The following ITGAD variants were observed in gnomAD, a reference collection of about 807,000 sequenced individuals.
ITGAD encodes the protein integrin alpha-D.
A neutral mutation model predicts 139.0 loss-of-function variants in ITGAD; 105 were observed. The observed-to-expected ratio is 0.76, with a 90% CI of 0.65 to 0.89. The LOEUF (loss-of-function observed/expected upper bound fraction) is 0.89. ITGAD is among the 40% of genes least tolerant of loss of function. The probability of loss-of-function intolerance (pLI) is 0.00; values close to 1 mark genes in which losing one functional copy is unlikely to be tolerated. For missense variants in ITGAD, 1,384 were observed against 1,487.3 expected (o/e 0.93, Z 1.14); for synonymous variants, 569 against 598.3 (o/e 0.95, Z 0.71).
At chr16:31,414,131 T>G (rs1027743082) in intron 16 of ITGAD, among the ~76,000 whole-genome samples, 1 of 152,188 alleles carries the variant, frequency 6.6e-6, no homozygotes, top group African/African-American at 2.4e-5. Flanking sequence ...TCACCTATTA[T>G]CTATCATCTA....
chr16:31,400,671 C>T (rs2081381370), intron 5 of ITGAD, among the ~76,000 whole-genome samples: 2 of 152,160 alleles, frequency 1.3e-5, no homozygotes, highest in Admixed American at 6.5e-5. Flanking sequence ...GTGGCACAAT[C>T]TTGGCTCACT....
At position 31,423,180 on chromosome 16, in the gene ITGAD, G is replaced by A. The variant is rs1449192550; in HGVS notation, c.2847G>A (p.Glu949=). Residue 949 remains glutamate (E), a synonymous_variant, in exon 24 of 30, where the codon GAG becomes GAA. Coordinates refer to ENST00000389202, the MANE Select transcript of ITGAD (RefSeq NM_005353.3). ...TSDEKKMKEA[E]HRYRVNNLSQ... ...ATGAGAAGAAAATGAAAGAGGCTGA[G>A]CATCGATACCGTGTGAGAGTCTAGG... 1 of 1,613,800 alleles carries A rather than the reference G, an allele frequency of 6.2e-7. No homozygotes were observed. Among genetic ancestry groups the A allele is most frequent in the African/African-American group, 1.3e-5 (1 of 74,916 alleles).
At chr16:31,418,239 T>C (rs1280563868) in intron 21 of ITGAD, 48 bp downstream of exon 21, 1 of 1,605,486 alleles carries the variant, frequency 6.2e-7, no homozygotes, top group Non-Finnish European at 8.5e-7. Flanking sequence ...CTTGTCCCAA[T>C]CTGTCCCTCA....
chr16:31,423,778 C>G, intron 26 of ITGAD, 67 bp from the exon 27 acceptor site: 1 of 1,576,010 alleles, frequency 6.3e-7, no homozygotes, highest in Non-Finnish European at 8.7e-7. Context: ...CAAACCTGAC[C>G]ATATTTTTTC....
In ITGAD at chr16:31,402,371, C is replaced by G. The variant is rs1483400162; in HGVS notation, c.558+126C>G. 5.7e-6 allele frequency: 5 copies of G among 875,776 alleles called. No individual in the cohort carries two copies. In the East Asian group the frequency reaches 1.3e-4, roughly 23 times the overall value. 54.3% of individuals were successfully genotyped at this position (875,776 alleles called of 1,614,324 possible). On this transcript the variant is annotated intron_variant, in intron 6 of 29. Transcript: ENST00000389202. ...GATGGGGCTGGGGTGGAGAATGAAG[C>G]TATGGTCCCAGCACAGGCCCAACTT...
In ITGAD at chr16:31,410,776, C is replaced by G. The variant is rs759237625; in HGVS notation, c.1254C>G (p.Asn418Lys). The G allele has an allele frequency of 7.4e-6, 12 of 1,613,468 alleles. No individual in the cohort carries two copies. Among genetic ancestry groups the G allele is most frequent in the African/African-American group, 2.7e-5 (2 of 74,870 alleles). The change falls in exon 12 of 30, where the codon AAC becomes AAG. Residue 418 changes from asparagine to lysine, a missense_variant. By Grantham distance (94) the Asn-to-Lys change is moderately conservative. Coordinates refer to ENST00000389202, the MANE Select transcript of ITGAD (RefSeq NM_005353.3). ...TELALWKGVQ[N>K]LVLGAPRYQH... is the part of the protein sequence containing the mutation. ...TAGCCCTGTGGAAGGGGGTACAGAA[C>G]CTGGTCCTGGGGGCCCCCCGCTACC... is the stretch of plus-strand genomic sequence containing the variant.
chr16:31,416,939 G>A (rs1047381718), intron 20 of ITGAD, among the ~76,000 whole-genome samples: 2 of 150,564 alleles, frequency 1.3e-5, no homozygotes, highest in African/African-American at 2.5e-5. Context: ...GTCCCCAAAG[G>A]TCATCACTAT....
rs1037573703 is a variant in ITGAD at position 31,424,223 on chromosome 16, C to T, written c.3261+20C>T. On this transcript the variant is annotated intron_variant, in intron 28 of 29. Coordinates refer to ENST00000389202, the MANE Select transcript of ITGAD (RefSeq NM_005353.3). ...GCTCAGGTAGAGACCATGTGGAGGG[C>T]AGCGACCAGCTGGAAAGAGGACCCC... is the stretch of plus-strand genomic sequence containing the variant. The T allele has an allele frequency of 1.2e-6, 2 of 1,613,464 alleles. No homozygotes were observed. Among genetic ancestry groups the T allele is most frequent in the Non-Finnish European group, 1.7e-6 (2 of 1,179,390 alleles).
At chr16:31,415,267 ATTG>A (rs1171072230) in intron 18 of ITGAD, among the ~76,000 whole-genome samples, 22 of 151,926 alleles carry the variant, frequency 1.4e-4, no homozygotes, top group Non-Finnish European at 1.5e-5. Flanking sequence ...TCCCATATCT[ATTG>A]TTGTATCCTC....
chr16:31,408,607 C>T (rs959547764), intron 10 of ITGAD, 109 bp downstream of exon 10: 24 of 951,594 alleles, frequency 2.5e-5, no homozygotes, highest in African/African-American at 4.9e-5. Context: ...CATCCTCAAT[C>T]GCCAGGGAGA....
chr16:31,400,715 C>T (rs893340538), intron 5 of ITGAD, among the ~76,000 whole-genome samples: 8 of 152,248 alleles, frequency 5.3e-5, no homozygotes, highest in Middle Eastern at 6.8e-3. Context: ...AGTGATTCTC[C>T]TGCCTCAGCC....
At position 31,403,779 on chromosome 16, in the gene ITGAD, G is replaced by A. The variant is rs2081469005; in HGVS notation, c.704+134G>A. ...TACCAAGGGGCATGTCGGGGCTGCAGGGAGAACCTCCCCCCGGGGTGCTCC... is the reference window on the plus strand; with the variant it reads ...TACCAAGGGGCATGTCGGGGCTGCAAGGAGAACCTCCCCCCGGGGTGCTCC... On this transcript the variant is annotated intron_variant, in intron 7 of 29. Coordinates refer to ENST00000389202, the MANE Select transcript of ITGAD (RefSeq NM_005353.3). This position sits in a 1 kb window ranked among gnomAD's most constrained non-coding sequence, Gnocchi z 4.4. 1.3e-5 allele frequency: 15 copies of A among 1,149,878 alleles called. No homozygotes were observed. The East Asian group carries it at 3.2e-4, about 24-fold the overall frequency. The allele number at this position is 1,149,878 out of a possible 1,614,324, so 71.2% of individuals were successfully genotyped here. A position where few individuals can be genotyped will look rare whatever the true frequency, so the allele number is the denominator to read the frequency against.
At chr16:31,397,706 C>CGGCGG in intron 4 of ITGAD, 40 bp downstream of exon 4, 2 of 299,960 alleles carry the variant, frequency 6.7e-6, no homozygotes, top group Non-Finnish European at 1.1e-5. Flanking sequence ...TGGGGTGGGG[C>CGGCGG]GGGGGGTGTT....
chr16:31,400,440 G>A (rs2081375080), intron 5 of ITGAD, among the ~76,000 whole-genome samples: 1 of 152,154 alleles, frequency 6.6e-6, no homozygotes, highest in Admixed American at 6.5e-5. Context: ...GTGCCCTGCG[G>A]GCAGCACAGG....
intron 20 of ITGAD, among the ~76,000 whole-genome samples, chr16:31,417,200 C>T (rs574331680): frequency 8.6e-5 from 12 of 139,458 alleles, no homozygotes; most frequent in South Asian, 2.4e-4. Flanking sequence ...CATGCCACTA[C>T]GCCCAGCTAA....
At chr16:31,405,235 C>T (rs1468270606) in intron 7 of ITGAD, among the ~76,000 whole-genome samples, 2 of 152,178 alleles carry the variant, frequency 1.3e-5, no homozygotes, top group African/African-American at 2.4e-5. Flanking sequence ...ATCTGCCTGC[C>T]TCAGCCTCCC....
chr16:31,407,384 T>G, intron 7 of ITGAD, 131 bp from the exon 8 acceptor site: 1 of 885,406 alleles, frequency 1.1e-6, no homozygotes, highest in Non-Finnish European at 1.7e-6. Context: ...GCAAAATCAA[T>G]TCCTTAACAT....
At chr16:31,409,927 A>AG (rs2081639601) in intron 10 of ITGAD, among the ~76,000 whole-genome samples, 1 of 151,256 alleles carries the variant, frequency 6.6e-6, no homozygotes, top group African/African-American at 2.4e-5. Context: ...AAAAAAAAAA[A>AG]AAAAGAAAGG....
At chr16:31,409,926 A>AG (rs1373564467) in intron 10 of ITGAD, among the ~76,000 whole-genome samples, 2 of 151,106 alleles carry the variant, frequency 1.3e-5, no homozygotes, top group African/African-American at 2.4e-5. Context: ...AAAAAAAAAA[A>AG]AAAAAGAAAG....
Sources: gnomAD v4.1 joint callset for allele counts (sites outside exome capture counted in the v4.1 genomes callset) on GRCh38, gnomAD v4.1.1 for gene constraint, Gnocchi (gnomAD v3.1) non-coding constraint, MANE v1.5 for transcripts, NCBI Gene and HGNC (gene_info 2026-07-23, HGNC 2026-07-21) for gene names.